Variants in DIAPH2 observed in about 807,000 individuals in gnomAD.
The protein encoded by DIAPH2 is protein diaphanous homolog 2.
In DIAPH2, 35 loss-of-function variants were observed where a neutral mutation model predicts 92.7. That is an observed-to-expected ratio of 0.38 (90% CI 0.29 to 0.50). DIAPH2 has a LOEUF of 0.50. Ranked by LOEUF, DIAPH2 falls within the 20% of genes least tolerant of loss-of-function variation. DIAPH2 has a pLI of 0.94. For missense variants in DIAPH2, 701 were observed against 819.5 expected (o/e 0.86, Z 1.77); for synonymous variants, 301 against 280.4 (o/e 1.07, Z -0.73).
At chrX:97,146,478 C>G (rs954949885) in intron 22 of DIAPH2, among the ~76,000 whole-genome samples, 1 of 110,437 alleles carries the variant, frequency 9.1e-6, no homozygotes, top group African/African-American at 3.3e-5. Context: ...AACGCACATA[C>G]CTACTTTGAT....
intron 23 of DIAPH2, among the ~76,000 whole-genome samples, chrX:97,344,502 C>A (rs2069139390): frequency 8.9e-6 from 1 of 112,318 alleles, no homozygotes; most frequent in South Asian, 3.7e-4. Flanking sequence ...TTGTCCACTT[C>A]TTTTCTTACC....
intron 7 of DIAPH2, among the ~76,000 whole-genome samples, chrX:96,916,145 A>T (rs2065502043): frequency 9.0e-6 from 1 of 111,488 alleles, no homozygotes; most frequent in South Asian, 3.7e-4. Flanking sequence ...TATGCGCTTT[A>T]TATGTTATTC....
chrX:97,198,494 A>T (rs1235667027), intron 22 of DIAPH2, among the ~76,000 whole-genome samples: 1 of 111,400 alleles, frequency 9.0e-6, no homozygotes, highest in Non-Finnish European at 1.9e-5. Flanking sequence ...CATATTATAC[A>T]TATATAGGCA....
chrX:97,261,396 A>G (rs1255543862), intron 23 of DIAPH2, among the ~76,000 whole-genome samples: 1 of 112,135 alleles, frequency 8.9e-6, no homozygotes, highest in Non-Finnish European at 1.9e-5. Flanking sequence ...AGATGTGCTT[A>G]AGTTAGTAAT....
At chrX:97,467,605 G>A (rs1648737590) in intron 26 of DIAPH2, among the ~76,000 whole-genome samples, 1 of 111,955 alleles carries the variant, frequency 8.9e-6, no homozygotes, top group Admixed American at 9.5e-5. Context: ...GAAAGAAACA[G>A]ACAACTAAAA....
chrX:97,027,074 T>C (rs1297940709), intron 17 of DIAPH2, among the ~76,000 whole-genome samples: 2 of 112,296 alleles, frequency 1.8e-5, no homozygotes, highest in African/African-American at 3.2e-5. Flanking sequence ...GATACAACTT[T>C]AGGTGGAAAC....
rs772814602 is a variant in DIAPH2, at chrX:97,547,898, C to A, written c.3242-51355C>A. 2.7e-5 allele frequency among the ~76,000 whole-genome samples: 3 copies of A among 112,211 alleles called. No homozygotes were observed. In the South Asian group the frequency reaches 1.1e-3, roughly 42 times the overall value. On this transcript the variant is annotated intron_variant, in intron 26 of 26. Transcript: ENST00000324765. ...GATCCCAGATCTGCCTGATTCTGAA[C>A]CCTTTGTTTGATCTTTGTGTTGTTC...
chrX:97,015,848 A>C (rs1348375255), intron 17 of DIAPH2, among the ~76,000 whole-genome samples: 2 of 109,786 alleles, frequency 1.8e-5, no homozygotes, highest in Non-Finnish European at 3.8e-5. Context: ...GTGTAAGACA[A>C]AATTAATAGC....
intron 26 of DIAPH2, among the ~76,000 whole-genome samples, chrX:97,441,057 A>T (rs2070251579): frequency 8.9e-6 from 1 of 111,770 alleles, no homozygotes; most frequent in Non-Finnish European, 1.9e-5. Flanking sequence ...CACTAATAGA[A>T]ATTCATTGGT....
intron 4 of DIAPH2, among the ~76,000 whole-genome samples, chrX:96,772,226 G>C (rs917193343): frequency 8.9e-6 from 1 of 111,985 alleles, no homozygotes; most frequent in Middle Eastern, 4.6e-3. Flanking sequence ...AAAGAAAAAG[G>C]CCGCCTTAGA....
intron 4 of DIAPH2, among the ~76,000 whole-genome samples, chrX:96,848,989 A>G (rs969866992): frequency 4.5e-5 from 5 of 111,916 alleles, no homozygotes; most frequent in African/African-American, 1.6e-4. Flanking sequence ...TCATTAAATG[A>G]CAACAAAACT....
chrX:96,990,252 G>T (rs1013905174), intron 17 of DIAPH2, among the ~76,000 whole-genome samples: 5 of 112,210 alleles, frequency 4.5e-5, no homozygotes. Context: ...CTCTTTCTAG[G>T]GGCATAGTAC....
At chrX:97,401,256 T>A (rs747123199) in intron 25 of DIAPH2, among the ~76,000 whole-genome samples, 6 of 110,966 alleles carry the variant, frequency 5.4e-5, no homozygotes, top group Non-Finnish European at 9.4e-5. Flanking sequence ...TCATTCCTAT[T>A]GTCCCATCTC....
At chrX:96,952,798 C>A (rs976474608) in intron 15 of DIAPH2, among the ~76,000 whole-genome samples, 2 of 109,980 alleles carry the variant, frequency 1.8e-5, no homozygotes, top group Non-Finnish European at 3.8e-5. Flanking sequence ...GTTAGAAGAA[C>A]TAAATAATCC....
Position 97,068,008 on chromosome X carries a change from GTTT to G in DIAPH2, c.2051-4929_2051-4927del, listed in dbSNP as rs201375858. ...AAATATATTAGATGTTGATGCATGC[GTTT>G]TTTAAGTCATTGCTGAATATTTACT... is the stretch of plus-strand genomic sequence containing the variant. On this transcript the variant is annotated intron_variant, in intron 17 of 26. Coordinates refer to ENST00000324765, the MANE Select transcript of DIAPH2 (RefSeq NM_006729.5). Among the ~76,000 whole-genome samples, 562 of 111,805 alleles carry G rather than the reference GTTT, an allele frequency of 5.0e-3. 7 individuals carry two copies. The highest frequency in any genetic ancestry group is 0.017 in the African/African-American group (518 of 30,851).
intron 26 of DIAPH2, among the ~76,000 whole-genome samples, chrX:97,531,875 C>G (rs1189690638): frequency 2.7e-5 from 3 of 112,273 alleles, no homozygotes; most frequent in African/African-American, 9.7e-5. Context: ...ATCTTAAAAT[C>G]CATTTTGTCT....
At chrX:96,743,402 C>T (rs1236583080) in intron 3 of DIAPH2, among the ~76,000 whole-genome samples, 2 of 111,305 alleles carry the variant, frequency 1.8e-5, no homozygotes, top group Non-Finnish European at 1.9e-5. Context: ...AAGGAACCTT[C>T]ATACTATTTA....
At chrX:97,065,577 G>A (rs1289395059) in intron 17 of DIAPH2, among the ~76,000 whole-genome samples, 1 of 111,000 alleles carries the variant, frequency 9.0e-6, no homozygotes, top group Admixed American at 9.6e-5. Flanking sequence ...GTACAATTGT[G>A]TACAGTACAT....
At chrX:97,592,867 C>T (rs1331634295) in intron 26 of DIAPH2, among the ~76,000 whole-genome samples, 1 of 111,824 alleles carries the variant, frequency 8.9e-6, no homozygotes, top group Non-Finnish European at 1.9e-5. Flanking sequence ...TAACTTTCAT[C>T]TCTTCTACCA....
Sources: gnomAD v4.1 joint callset for allele counts (sites outside exome capture counted in the v4.1 genomes callset) on GRCh38, gnomAD v4.1.1 for gene constraint, MANE v1.5 for transcripts, NCBI Gene and HGNC (gene_info 2026-07-23, HGNC 2026-07-21) for gene names.